The following IMMP2L variants were observed in gnomAD, a reference collection of about 807,000 sequenced individuals.
The protein encoded by IMMP2L is inner mitochondrial membrane peptidase subunit 2.
IMMP2L carries 18 observed loss-of-function variants against 19.3 expected under a neutral mutation model. That is an observed-to-expected ratio of 0.93 (90% CI 0.64 to 1.38). The LOEUF (loss-of-function observed/expected upper bound fraction) is 1.38, where lower values mean the gene tolerates loss of function less well. IMMP2L is among the 40% of genes most tolerant of loss of function. The pLI, the probability that IMMP2L is intolerant of heterozygous loss-of-function variation, is 0.00. For missense variants in IMMP2L, 233 were observed against 218.2 expected, an observed-to-expected ratio of 1.07 and a Z score of -0.43; for synonymous variants, 76 against 73.0, an observed-to-expected ratio of 1.04 and a Z score of -0.21.
At chr7:111,380,821 G>C (rs1242840650) in intron 3 of IMMP2L, among the ~76,000 whole-genome samples, 1 of 151,986 alleles carries the variant, frequency 6.6e-6, no homozygotes, top group African/African-American at 2.4e-5. Flanking sequence ...ATTGTAAAAA[G>C]AAATACCAGG....
intron 3 of IMMP2L, among the ~76,000 whole-genome samples, chr7:111,062,807 C>T (rs1269207991): frequency 3.9e-5 from 6 of 152,370 alleles, no homozygotes; most frequent in Non-Finnish European, 7.3e-5. Flanking sequence ...CCATGTCTCA[C>T]AACCAGTTTA....
intron 3 of IMMP2L, among the ~76,000 whole-genome samples, chr7:111,019,499 G>C (rs1378754555): frequency 2.0e-5 from 3 of 152,132 alleles, no homozygotes; most frequent in African/African-American, 4.8e-5. Context: ...AGCAGACAGA[G>C]GGGGAGGCAG....
chr7:110,991,110 T>C (rs1563140053), intron 3 of IMMP2L, among the ~76,000 whole-genome samples: 1 of 152,150 alleles, frequency 6.6e-6, no homozygotes, highest in Non-Finnish European at 1.5e-5. Flanking sequence ...TCAAACCACA[T>C]CATTTAGGAT....
At chr7:111,342,052 C>T (rs570484433) in intron 3 of IMMP2L, among the ~76,000 whole-genome samples, 4 of 152,054 alleles carry the variant, frequency 2.6e-5, no homozygotes, top group South Asian at 4.2e-4. Flanking sequence ...GCTGTTATAG[C>T]GGCACAAAAC....
At chr7:111,254,562 G>A (rs962826629) in intron 3 of IMMP2L, among the ~76,000 whole-genome samples, 1 of 152,052 alleles carries the variant, frequency 6.6e-6, no homozygotes, top group Non-Finnish European at 1.5e-5. Context: ...CTGATACCTA[G>A]TTTATTGGGT....
chr7:111,184,410 T>A (rs975546067), intron 3 of IMMP2L, among the ~76,000 whole-genome samples: 1 of 152,036 alleles, frequency 6.6e-6, no homozygotes. Flanking sequence ...TACATATATA[T>A]TGATAATTTG....
chr7:110,676,602 A>G (rs1225689794), intron 5 of IMMP2L, among the ~76,000 whole-genome samples: 2 of 152,202 alleles, frequency 1.3e-5, no homozygotes, highest in African/African-American at 4.8e-5. Flanking sequence ...GCTGTATTTT[A>G]TTATCTGGGA....
At chr7:110,872,256 C>T (rs1808610914) in intron 5 of IMMP2L, among the ~76,000 whole-genome samples, 1 of 152,142 alleles carries the variant, frequency 6.6e-6, no homozygotes, top group South Asian at 2.1e-4. Flanking sequence ...CACCTCCATG[C>T]TTCTGCTACC....
intron 3 of IMMP2L, among the ~76,000 whole-genome samples, chr7:111,136,317 C>T (rs962878939): frequency 4.6e-5 from 7 of 152,244 alleles, no homozygotes; most frequent in Admixed American, 6.5e-5. Context: ...TGAGCCACTG[C>T]GCCCAGCCAC....
At chr7:111,277,362 T>C (rs528398222) in intron 3 of IMMP2L, among the ~76,000 whole-genome samples, 1 of 151,854 alleles carries the variant, frequency 6.6e-6, no homozygotes, top group Non-Finnish European at 1.5e-5. Context: ...TCACTAATCA[T>C]CAGAGAAATG....
intron 3 of IMMP2L, among the ~76,000 whole-genome samples, chr7:111,028,930 C>T (rs888122739): frequency 9.2e-5 from 14 of 152,102 alleles, no homozygotes; most frequent in African/African-American, 3.4e-4. Context: ...CTGAACCTCC[C>T]TTTTAAGAAA....
At chr7:110,778,882 T>C (rs1287139388) in intron 5 of IMMP2L, among the ~76,000 whole-genome samples, 2 of 151,930 alleles carry the variant, frequency 1.3e-5, no homozygotes, top group African/African-American at 2.4e-5. Flanking sequence ...TATTTTGTGG[T>C]GCAAATTCTC....
At chr7:110,954,003 T>C (rs1818115450) in intron 4 of IMMP2L, among the ~76,000 whole-genome samples, 1 of 152,168 alleles carries the variant, frequency 6.6e-6, no homozygotes, top group South Asian at 2.1e-4. Context: ...CGCCCACTTT[T>C]TGATGGTGTT....
chr7:111,210,494 C>T (rs1345709857), intron 3 of IMMP2L, among the ~76,000 whole-genome samples: 2 of 152,126 alleles, frequency 1.3e-5, no homozygotes, highest in Admixed American at 6.5e-5. Flanking sequence ...TAAGGACTAC[C>T]TGCACTTATT....
intron 5 of IMMP2L, among the ~76,000 whole-genome samples, chr7:110,859,043 G>C (rs1206572365): frequency 6.6e-6 from 1 of 152,076 alleles, no homozygotes; most frequent in Non-Finnish European, 1.5e-5. Flanking sequence ...ACCCCAAACA[G>C]ATAAGCAACT....
At chr7:111,362,662 G>A (rs888951670) in intron 3 of IMMP2L, among the ~76,000 whole-genome samples, 14 of 152,032 alleles carry the variant, frequency 9.2e-5, no homozygotes, top group South Asian at 2.1e-4. Context: ...TGTTGAAACC[G>A]AAGAATTAGA....
chr7:110,769,021 C>T (rs998944380), intron 5 of IMMP2L, among the ~76,000 whole-genome samples: 1 of 152,136 alleles, frequency 6.6e-6, no homozygotes, highest in Non-Finnish European at 1.5e-5. Context: ...TGAAAATAAA[C>T]AGAGTATGCT....
chr7:110,869,405 TTTAG>T (rs1176540113), intron 5 of IMMP2L, among the ~76,000 whole-genome samples: 3 of 152,172 alleles, frequency 2.0e-5, no homozygotes, highest in African/African-American at 4.8e-5. Flanking sequence ...GAAATGTCTT[TTTAG>T]TTAGTTCCAC....
At chr7:110,779,649 A>G (rs892523870) in intron 5 of IMMP2L, among the ~76,000 whole-genome samples, 2 of 152,056 alleles carry the variant, frequency 1.3e-5, no homozygotes, top group Middle Eastern at 3.4e-3. Context: ...GTACTTCCCA[A>G]CTTTTACGGT....
Sources: allele counts gnomAD v4.1 joint callset (sites outside exome capture counted in the v4.1 genomes callset), GRCh38; gene constraint gnomAD v4.1.1; transcripts MANE v1.5; gene names NCBI Gene and HGNC (gene_info 2026-07-23, HGNC 2026-07-21).